RASSF1: variants seen among roughly 807,000 people sequenced by gnomAD.
RASSF1 encodes the protein Ras association domain family member 1, also known as ras association domain-containing protein 1.
A neutral mutation model predicts 34.3 loss-of-function variants in RASSF1; 33 were observed. The observed-to-expected ratio is 0.96, with a 90% CI of 0.73 to 1.29. The LOEUF (loss-of-function observed/expected upper bound fraction) is 1.29. RASSF1 is among the 50% of genes most tolerant of loss of function. RASSF1 has a pLI of 0.00. For synonymous variants in RASSF1, 191 were observed against 195.0 expected (o/e 0.98, Z 0.17); for missense variants, 445 against 471.8 (o/e 0.94, Z 0.53).
At chr3:50,332,197 C>A in intron 2 of RASSF1, 43 bp from the exon 3 acceptor site, 1 of 1,569,356 alleles carries the variant, frequency 6.4e-7, no homozygotes, top group South Asian at 1.1e-5. Flanking sequence ...TTGAGGAACC[C>A]AGGGCTTCTC....
intron 2 of RASSF1, chr3:50,336,859 C>T (rs1575545663): frequency 5.1e-6 from 2 of 394,750 alleles, no homozygotes; most frequent in Non-Finnish European, 4.6e-6. Context: ...AGGTGCTAGT[C>T]CAAACTGCTC....
intron 1 of RASSF1, among the ~76,000 whole-genome samples, chr3:50,340,130 G>T (rs972740450): frequency 1.3e-5 from 2 of 152,122 alleles, no homozygotes; most frequent in African/African-American, 2.4e-5. Context: ...GCTTGCAGGG[G>T]GCCCACCAAA....
At position 50,332,529 on chromosome 3, in the gene RASSF1, G is replaced by A. The variant is rs201256626; in HGVS notation, c.358-375C>T. 1.7e-4 allele frequency among the ~76,000 whole-genome samples: 26 copies of A among 152,246 alleles called. No individual in the cohort carries two copies. In the East Asian group the frequency reaches 5.0e-3, roughly 29 times the overall value. On this transcript the variant is annotated intron_variant, in intron 2 of 5. Transcript: ENST00000359365. ...AGGCTGGGTGTGGTGGCTCACATCT[G>A]CAATCCCAGCATTTTGGGAGGCTAA...
At chr3:50,337,018 G>A (rs1703162516) in intron 2 of RASSF1, 1 of 1,078,634 alleles carries the variant, frequency 9.3e-7, no homozygotes, top group African/African-American at 1.7e-5. Context: ...TCTTACGCAC[G>A]GTTCCGCGGG....
intron 1 of RASSF1, chr3:50,338,302 T>G (rs1407803532): frequency 2.0e-6 from 2 of 982,950 alleles, no homozygotes; most frequent in Non-Finnish European, 2.6e-6. Flanking sequence ...AACAAAAAAC[T>G]GCGTCTTGCT....
chr3:50,338,920 AC>A (rs1310036899), intron 1 of RASSF1, among the ~76,000 whole-genome samples: 3 of 151,708 alleles, frequency 2.0e-5, no homozygotes, highest in African/African-American at 7.3e-5. Flanking sequence ...TTTTCCTCCT[AC>A]CCCCTGCAGC....
chr3:50,331,921 C>G, intron 3 of RASSF1, 65 bp from the exon 4 acceptor site: 7 of 1,552,934 alleles, frequency 4.5e-6, no homozygotes, highest in Non-Finnish European at 6.1e-6. Context: ...CTACTTGGGG[C>G]TAGGCTGGGT....
intron 2 of RASSF1, among the ~76,000 whole-genome samples, chr3:50,334,819 T>C (rs587771427): frequency 6.6e-6 from 1 of 152,250 alleles, no homozygotes; most frequent in South Asian, 2.1e-4. Flanking sequence ...GAAGAGTTTC[T>C]TTTTCTGTTT....
In RASSF1 at chr3:50,340,628, C is replaced by A; in HGVS notation, c.178G>T (p.Ala60Ser). Reference sequence around the variant, plus strand: ...CAGAGGTCGCACCACGTGTGCGTGGCGGGCCCCGCGGGCTGGAAGCGGTGG... The same window carrying A: ...CAGAGGTCGCACCACGTGTGCGTGGAGGGCCCCGCGGGCTGGAAGCGGTGG... ...RGHRFQPAGP[A>S]THTWCDLCGD... The change falls in exon 1 of 6, where the codon GCC (alanine) becomes TCC (serine). Residue 60 changes from alanine (A) to serine (S), a missense_variant. By Grantham distance (99) the Ala-to-Ser change is moderately conservative (BLOSUM62 1). Coordinates refer to ENST00000359365, the MANE Select transcript of RASSF1 (RefSeq NM_007182.5). The A allele has an allele frequency of 6.6e-7, 1 of 1,524,676 alleles. No homozygotes were observed. The highest frequency in any genetic ancestry group is 1.2e-5 in the South Asian group (1 of 82,910). 94.4% of individuals were successfully genotyped at this position (1,524,676 alleles called of 1,614,324 possible).
At chr3:50,337,541 C>T in intron 2 of RASSF1, 2 of 1,497,714 alleles carry the variant, frequency 1.3e-6, no homozygotes, top group Non-Finnish European at 1.8e-6. Context: ...GGAATGACCT[C>T]ATCGCTCCGG....
At chr3:50,339,988 G>A (rs1258892824) in intron 1 of RASSF1, among the ~76,000 whole-genome samples, 3 of 152,230 alleles carry the variant, frequency 2.0e-5, no homozygotes, top group Admixed American at 1.3e-4. Flanking sequence ...CCAGGGGAGA[G>A]CAACCTTTGC....
chr3:50,331,790 G>A lies in RASSF1; in HGVS notation c.529C>T (p.Pro177Ser). 1 of 1,603,022 alleles carries A rather than the reference G, an allele frequency of 6.2e-7. No homozygotes were observed. The highest frequency in any genetic ancestry group is 1.3e-5 in the African/African-American group (1 of 74,880). The change falls in exon 4 of 6, where the codon CCC becomes TCC. Residue 177 changes from proline (P) to serine (S), a missense_variant. By Grantham distance (74) the Pro-to-Ser change is moderately conservative. Transcript: ENST00000359365. ...AAGGAGGGTGGCTTCTTGCTGGAGGGCACAGAGACAGGGCGCACCAGCTTC... is the reference window on the plus strand; with the variant it reads ...AAGGAGGGTGGCTTCTTGCTGGAGGACACAGAGACAGGGCGCACCAGCTTC... ...QLKLVRPVSVPSSKKPPSLQD... is the reference protein window; with the variant it reads ...QLKLVRPVSVSSSKKPPSLQD...
chr3:50,340,828 G>T lies in RASSF1; in HGVS notation c.-23C>A. 1 of 1,465,144 alleles carries T rather than the reference G, an allele frequency of 6.8e-7. No homozygotes were observed. The highest frequency in any genetic ancestry group is 8.9e-7 in the Non-Finnish European group (1 of 1,120,916). 90.8% of individuals were successfully genotyped at this position (1,465,144 alleles called of 1,614,324 possible). Reference sequence around the variant, plus strand: ...CATGGCCCGGTTGGGCCCGTGCTTCGCTGGCTTTGGGCGCTAGCAAGCGCG... The same window carrying T: ...CATGGCCCGGTTGGGCCCGTGCTTCTCTGGCTTTGGGCGCTAGCAAGCGCG... On this transcript the variant is annotated 5_prime_UTR_variant, in exon 1 of 6. Transcript: ENST00000359365.
intron 2 of RASSF1, chr3:50,337,167 T>C: frequency 6.2e-7 from 1 of 1,607,038 alleles, no homozygotes; most frequent in Non-Finnish European, 8.5e-7. Context: ...ACCCCCTGGC[T>C]CCCACCTGGT....
In RASSF1 at chr3:50,340,821, G is replaced by C; in HGVS notation, c.-16C>G. 1.4e-6 allele frequency: 2 copies of C among 1,456,104 alleles called. No individual in the cohort carries two copies. Among genetic ancestry groups the C allele is most frequent in the Non-Finnish European group, 9.0e-7 (1 of 1,108,674 alleles). The allele number at this position is 1,456,104 out of a possible 1,614,324, so 90.2% of individuals were successfully genotyped here. On this transcript the variant is annotated 5_prime_UTR_variant, in exon 1 of 6. Transcript: ENST00000359365. ...CCCCCGACATGGCCCGGTTGGGCCC[G>C]TGCTTCGCTGGCTTTGGGCGCTAGC...
intron 2 of RASSF1, chr3:50,337,562 A>G: frequency 7.0e-7 from 1 of 1,418,840 alleles, no homozygotes; most frequent in Non-Finnish European, 9.5e-7. Flanking sequence ...AGCTCCACTC[A>G]CAGACCCCAC....
At position 50,332,095 on chromosome 3, in the gene RASSF1, G is replaced by T. The variant is rs1444830719; in HGVS notation, c.417C>A (p.Ile139=). The change falls in exon 3 of 6, where the codon ATC becomes ATA. Residue 139 remains isoleucine (I), a synonymous_variant. Coordinates refer to ENST00000359365, the MANE Select transcript of RASSF1 (RefSeq NM_007182.5). Reference sequence around the variant, plus strand: ...TGTTGATCTGGGCATTGTACTCCTTGATCTTCTGCTCAATCTCAGCTTGAG... The same window carrying T: ...TGTTGATCTGGGCATTGTACTCCTTTATCTTCTGCTCAATCTCAGCTTGAG... ...DLSQAEIEQK[I]KEYNAQINSN... The T allele has an allele frequency of 1.2e-6, 2 of 1,614,166 alleles. No individual in the cohort carries two copies. Among genetic ancestry groups the T allele is most frequent in the Non-Finnish European group, 1.7e-6 (2 of 1,180,040 alleles).
chr3:50,332,277 A>G (rs758759761), intron 2 of RASSF1, 123 bp from the exon 3 acceptor site: 9 of 742,278 alleles, frequency 1.2e-5, no homozygotes, highest in African/African-American at 5.2e-5. Flanking sequence ...ATGTACATAT[A>G]CATAGCTGGT....
At chr3:50,331,985 G>A (rs1334147294) in intron 3 of RASSF1, 65 bp downstream of exon 3, 3 of 1,586,752 alleles carry the variant, frequency 1.9e-6, no homozygotes, top group Admixed American at 1.7e-5. Context: ...GTGACCCTCT[G>A]AGTATCAGGC....
Sources: gnomAD v4.1 joint callset for allele counts (sites outside exome capture counted in the v4.1 genomes callset) on GRCh38, gnomAD v4.1.1 for gene constraint, MANE v1.5 for transcripts, NCBI Gene and HGNC (gene_info 2026-07-23, HGNC 2026-07-21) for gene names.